CTNNA2: variants seen among roughly 807,000 people sequenced by gnomAD.
CTNNA2 encodes catenin alpha 2.
In CTNNA2, 42 loss-of-function variants were observed where a neutral mutation model predicts 101.0. That is an observed-to-expected ratio of 0.42 (90% confidence interval 0.32 to 0.54). The LOEUF is 0.54. Among genes scored for constraint, CTNNA2 ranks in the 20% least tolerant of loss-of-function variants. CTNNA2 has a pLI of 0.14. For missense variants in CTNNA2, 871 were observed against 1,223.1 expected, an observed-to-expected ratio of 0.71 and a Z score of 4.29; for synonymous variants, 450 against 456.4, an observed-to-expected ratio of 0.99 and a Z score of 0.18.
At chr2:79,761,085 A>T (rs1672756172) in intron 3 of CTNNA2, among the ~76,000 whole-genome samples, 1 of 152,238 alleles carries the variant, frequency 6.6e-6, no homozygotes, top group East Asian at 1.9e-4. Flanking sequence ...AAAACAAGAA[A>T]CATTTTTTAA....
chr2:79,451,917 A>G (rs1336091228), intron 4 of CTNNA2, among the ~76,000 whole-genome samples: 16 of 152,036 alleles, frequency 1.1e-4, no homozygotes, highest in Admixed American at 1.1e-3. Context: ...TTTTCAATGA[A>G]CAACATCTAG....
intron 7 of CTNNA2, chr2:80,313,593 T>C: frequency 6.2e-7 from 1 of 1,611,394 alleles, no homozygotes; most frequent in East Asian, 2.2e-5. Flanking sequence ...CTCCAGTCAG[T>C]AGGCAAAGTC....
At chr2:80,394,312 A>T (rs1310393923) in intron 8 of CTNNA2, among the ~76,000 whole-genome samples, 1 of 152,188 alleles carries the variant, frequency 6.6e-6, no homozygotes, top group Non-Finnish European at 1.5e-5. Context: ...ACTTCTGATG[A>T]CTGCTGGGGA....
intron 8 of CTNNA2, among the ~76,000 whole-genome samples, chr2:80,411,067 G>A (rs114086683): frequency 2.6e-5 from 4 of 152,292 alleles, no homozygotes; most frequent in South Asian, 4.1e-4. Context: ...ATATCAAAGC[G>A]TGGAAAATGG....
chr2:79,603,768 A>G (rs1233055804), intron 1 of CTNNA2, among the ~76,000 whole-genome samples: 2 of 152,214 alleles, frequency 1.3e-5, no homozygotes, highest in African/African-American at 4.8e-5. Flanking sequence ...TAAGGGCTAA[A>G]TAAAGTTAAA....
chr2:79,957,022 A>G lies in CTNNA2; in HGVS notation c.1056+47225A>G, dbSNP rs114169141. On this transcript the variant is annotated intron_variant, in intron 7 of 18. Coordinates refer to ENST00000402739, the MANE Select transcript of CTNNA2 (RefSeq NM_001282597.3). The stretch of plus-strand genomic sequence containing the variant: ...ATCCAAACACTGATTACTAATGTGA[A>G]TTCCTTTTCAACATCCCCAGATCCT... Among the ~76,000 whole-genome samples, 1,145 of 152,148 alleles carry G rather than the reference A, an allele frequency of 7.5e-3. 19 individuals carry two copies. The highest frequency in any genetic ancestry group is 0.026 in the African/African-American group (1,066 of 41,484).
chr2:79,262,835 A>G (rs954740642), intron 2 of CTNNA2, among the ~76,000 whole-genome samples: 1 of 152,178 alleles, frequency 6.6e-6, no homozygotes, highest in African/African-American at 2.4e-5. Context: ...CATAAGCCAC[A>G]GTGCAAAAGG....
intron 2 of CTNNA2, among the ~76,000 whole-genome samples, chr2:79,285,364 C>A (rs1261980546): frequency 2.0e-5 from 3 of 149,886 alleles, no homozygotes; most frequent in Non-Finnish European, 4.5e-5. Context: ...AATTTTGGAT[C>A]TTTCCTGCTT....
In CTNNA2 at chr2:79,286,916, T is replaced by A. The variant is rs898759345; in HGVS notation, c.-405-25793T>A. 2.8e-4 allele frequency among the ~76,000 whole-genome samples: 43 copies of A among 152,330 alleles called. 1 individual carries two copies. The highest frequency in any genetic ancestry group is 1.0e-3 in the African/African-American group (43 of 41,566). Reference sequence around the variant, plus strand: ...CCAATCAGACATAGATTTGGTCTTTTCACATAGTCCCATATTTCTTGGAGG... The same window carrying A: ...CCAATCAGACATAGATTTGGTCTTTACACATAGTCCCATATTTCTTGGAGG... On this transcript the variant is annotated intron_variant, in intron 2 of 21. Coordinates refer to the CTNNA2 transcript ENST00000466387.
rs546428774 is a variant in CTNNA2, at chr2:79,363,372, C to A, written c.-317-10459C>A. The stretch of plus-strand genomic sequence containing the variant: ...TACTGCCTTATTCTAAATACAGCCA[C>A]ACTGGGGCTAAAAGCATCAACATGG... On this transcript the variant is annotated intron_variant, in intron 3 of 21. Transcript: ENST00000466387. Among the ~76,000 whole-genome samples, 31 of 152,300 alleles carry A rather than the reference C, an allele frequency of 2.0e-4. No homozygotes were observed. The South Asian group carries it at 4.1e-3, about 20-fold the overall frequency.
chr2:80,362,416 C>T (rs992270024), intron 7 of CTNNA2, among the ~76,000 whole-genome samples: 3 of 152,062 alleles, frequency 2.0e-5, no homozygotes, highest in Non-Finnish European at 4.4e-5. Context: ...TTGATTTGTG[C>T]TTACCCTTAC....
intron 7 of CTNNA2, among the ~76,000 whole-genome samples, chr2:79,948,969 AAAAT>A (rs1421612926): frequency 3.9e-4 from 59 of 152,150 alleles, no homozygotes; most frequent in African/African-American, 1.3e-3. Flanking sequence ...CTCCGTCTCA[AAAAT>A]AAATAAATAA....
At chr2:80,502,880 A>G (rs539870688) in intron 9 of CTNNA2, among the ~76,000 whole-genome samples, 2 of 152,296 alleles carry the variant, frequency 1.3e-5, no homozygotes, top group South Asian at 2.1e-4. Flanking sequence ...GATTCCACCA[A>G]TTGTGGCAGG....
chr2:79,473,113 T>C (rs1047685656), intron 4 of CTNNA2, among the ~76,000 whole-genome samples: 2 of 152,186 alleles, frequency 1.3e-5, no homozygotes, highest in African/African-American at 4.8e-5. Context: ...TTTTGTATTC[T>C]CCAAGAAAAT....
At chr2:80,458,239 G>T (rs1684147339) in intron 9 of CTNNA2, among the ~76,000 whole-genome samples, 1 of 151,944 alleles carries the variant, frequency 6.6e-6, no homozygotes, top group African/African-American at 2.4e-5. Context: ...TAGAACTGAG[G>T]GACTATATAA....
At chr2:80,096,735 T>G (rs1406031075) in intron 7 of CTNNA2, among the ~76,000 whole-genome samples, 13 of 152,266 alleles carry the variant, frequency 8.5e-5, no homozygotes, top group South Asian at 2.1e-4. Flanking sequence ...TCTTCTTGTT[T>G]AATTGATCCC....
chr2:80,087,073 C>T (rs1372279479), intron 7 of CTNNA2, among the ~76,000 whole-genome samples: 2 of 152,000 alleles, frequency 1.3e-5, no homozygotes, highest in Non-Finnish European at 1.5e-5. Flanking sequence ...ACTTATTTTG[C>T]TATGTCAACC....
chr2:80,179,965 G>A (rs1558879179), intron 7 of CTNNA2, among the ~76,000 whole-genome samples: 2 of 152,130 alleles, frequency 1.3e-5, no homozygotes, highest in Non-Finnish European at 2.9e-5. Flanking sequence ...TTGGACCTGA[G>A]CTAAAACTTC....
At chr2:80,029,926 T>A (rs1695182029) in intron 7 of CTNNA2, among the ~76,000 whole-genome samples, 1 of 152,004 alleles carries the variant, frequency 6.6e-6, no homozygotes, top group Non-Finnish European at 1.5e-5. Context: ...AATGCTTCCA[T>A]GATGCAAGCA....
Sources: allele counts gnomAD v4.1 joint callset (sites outside exome capture counted in the v4.1 genomes callset), GRCh38; gene constraint gnomAD v4.1.1; transcripts MANE v1.5; gene names NCBI Gene and HGNC (gene_info 2026-07-23, HGNC 2026-07-21).